Variants in NOD1 observed in about 807,000 individuals in gnomAD.
NOD1 encodes nucleotide binding oligomerization domain containing 1.
NOD1 carries 70 observed loss-of-function variants against 81.2 expected under a neutral mutation model. That is an observed-to-expected ratio of 0.86 (90% CI 0.71 to 1.05). NOD1 has a LOEUF of 1.05. Among genes scored for constraint, NOD1 ranks in the 50% least tolerant of loss-of-function variants. NOD1 has a pLI of 0.00. For missense variants in NOD1, 1,233 were observed against 1,228.0 expected, an observed-to-expected ratio of 1.00 and a Z score of -0.06; for synonymous variants, 508 against 526.9, an observed-to-expected ratio of 0.96 and a Z score of 0.49.
chr7:30,451,520 T>C lies in NOD1; in HGVS notation c.1897A>G (p.Lys633Glu). Residue 633 changes from lysine to glutamate, a missense_variant, in exon 6 of 14, where the codon AAG becomes GAG. Lys to Glu is a moderately conservative substitution (Grantham distance 56). Coordinates refer to ENST00000222823, the MANE Select transcript of NOD1 (RefSeq NM_006092.4). This position sits in a 1 kb window ranked among gnomAD's most constrained non-coding sequence, Gnocchi z 4.2. Reference protein sequence around the residue: ...HLFSSLRGYLKSLPRVQVESF... With the variant: ...HLFSSLRGYLESLPRVQVESF... ...TCGACCTGAACGCGGGGCAGGCTCT[T>C]CAGGTAGCCCCGCAGGCTGGAAAAC... 1 of 1,613,242 alleles carries C rather than the reference T, an allele frequency of 6.2e-7. No homozygotes were observed. The highest frequency in any genetic ancestry group is 1.7e-5 in the Admixed American group (1 of 59,988).
chr7:30,453,813 A>C (rs974952022), intron 5 of NOD1, among the ~76,000 whole-genome samples: 1 of 152,210 alleles, frequency 6.6e-6, no homozygotes, highest in Non-Finnish European at 1.5e-5. Flanking sequence ...TTTGTAGCCA[A>C]TCCCTGGGCC....
At chr7:30,437,928 C>G (rs1784522882) in intron 9 of NOD1, among the ~76,000 whole-genome samples, 1 of 152,226 alleles carries the variant, frequency 6.6e-6, no homozygotes, top group Admixed American at 6.5e-5. Context: ...GAGACCGAGC[C>G]TCACCACGAG....
intron 13 of NOD1, among the ~76,000 whole-genome samples, chr7:30,429,097 A>G (rs1174041419): frequency 6.6e-6 from 1 of 152,206 alleles, no homozygotes. Flanking sequence ...ATCCCACCCA[A>G]TGAAGGTAGA....
At chr7:30,457,172 C>A (rs889634241) in intron 3 of NOD1, 130 bp from the exon 4 acceptor site, 13 of 493,594 alleles carry the variant, frequency 2.6e-5, no homozygotes, top group African/African-American at 1.5e-4. Context: ...TCTGGCCAGG[C>A]AAGTTGGCTC....
chr7:30,458,575 C>T (rs574331521), intron 3 of NOD1, among the ~76,000 whole-genome samples: 1 of 151,998 alleles, frequency 6.6e-6, no homozygotes, highest in African/African-American at 2.4e-5. Flanking sequence ...TGCCAGACCC[C>T]ACACAATAGC....
chr7:30,451,301 G>C lies in NOD1; in HGVS notation c.2116C>G (p.Leu706Val), dbSNP rs965705668. 2 of 1,614,106 alleles carry C rather than the reference G, an allele frequency of 1.2e-6. No homozygotes were observed. The highest frequency in any genetic ancestry group is 2.7e-5 in the African/African-American group (2 of 74,948). Residue 706 changes from leucine (L) to valine (V), a missense_variant, in exon 6 of 14, where the codon CTG (leucine) becomes GTG (valine). Coordinates refer to ENST00000222823, the MANE Select transcript of NOD1 (RefSeq NM_006092.4). This position sits in a 1 kb window ranked among gnomAD's most constrained non-coding sequence, Gnocchi z 4.2. The stretch of plus-strand genomic sequence containing the variant: ...TTGTTGTTGTCTAGGTCTAGGGCCA[G>C]CCGCTTGGGGAAGTGATGCAGGACG... ...SFVLHHFPKR[L>V]ALDLDNNNLN... is the part of the protein sequence containing the mutation.
intron 1 of NOD1, among the ~76,000 whole-genome samples, chr7:30,473,140 T>G (rs139805377): frequency 6.6e-6 from 1 of 152,128 alleles, no homozygotes; most frequent in African/African-American, 2.4e-5. Flanking sequence ...TACCTCATTA[T>G]CAGGAATGCT....
intron 11 of NOD1, among the ~76,000 whole-genome samples, chr7:30,434,396 A>C (rs144829168): frequency 6.6e-6 from 1 of 152,296 alleles, no homozygotes; most frequent in African/African-American, 2.4e-5. Context: ...CACCACTGGG[A>C]GGTACAGGGC....
chr7:30,429,181 C>T (rs748826081), intron 13 of NOD1, among the ~76,000 whole-genome samples, 193 bp downstream of exon 13: 4 of 152,376 alleles, frequency 2.6e-5, no homozygotes, highest in South Asian at 2.1e-4. Flanking sequence ...TAGCTTCTCT[C>T]GTAGTGACCT....
At chr7:30,428,500 A>T (rs1272659706) in intron 13 of NOD1, 1 of 152,246 alleles carries the variant, frequency 6.6e-6, no homozygotes, top group Non-Finnish European at 1.5e-5. Flanking sequence ...TGATACTTTC[A>T]TACCATGCAC....
intron 6 of NOD1, among the ~76,000 whole-genome samples, chr7:30,450,709 G>T (rs945142991): frequency 1.3e-5 from 2 of 152,218 alleles, no homozygotes; most frequent in African/African-American, 4.8e-5. Flanking sequence ...CTATCTCGGA[G>T]CCTTACATTA....
Position 30,456,939 on chromosome 7 carries a change from G to A in NOD1, c.-18C>T. ...TCTTCCATAGTTAAAGTAGCAAGCG[G>A]CTACTTTTCCCAAATTCATCTTCAG... On this transcript the variant is annotated 5_prime_UTR_variant, in exon 4 of 14. Coordinates refer to ENST00000222823, the MANE Select transcript of NOD1 (RefSeq NM_006092.4). 6.2e-7 allele frequency: 1 copy of A among 1,611,544 alleles called. No individual in the cohort carries two copies. The highest frequency in any genetic ancestry group is 8.5e-7 in the Non-Finnish European group (1 of 1,177,670).
In NOD1 at chr7:30,446,155, T is replaced by C. The variant is rs746234501; in HGVS notation, c.2439A>G (p.Ser813=). 7.9e-5 allele frequency: 128 copies of C among 1,613,668 alleles called. No individual in the cohort carries two copies. In the Middle Eastern group the frequency reaches 1.6e-3, roughly 21 times the overall value. ...YLALAVKNSK[S]ISEVGMWGNQ... is the part of the protein sequence containing the mutation. The stretch of plus-strand genomic sequence containing the variant: ...CTTCTACTCACCCAACCTCAGAGAT[T>C]GATTTGCTGTTCTTCACAGCCAGGG... Residue 813 remains serine (S), a synonymous_variant, in exon 9 of 14, where the codon TCA becomes TCG. Transcript: ENST00000222823.
rs117334941 is a variant in NOD1 at position 30,449,702 on chromosome 7, A to T, written c.2202-1321T>A. 6.4e-4 allele frequency among the ~76,000 whole-genome samples: 97 copies of T among 152,326 alleles called. 1 individual carries two copies. The East Asian group carries it at 0.018, about 28-fold the overall frequency. ...AGAGAAATAAGCTTGTAACTCACCA[A>T]CATTTGGGGTTTTCGCTCTCAGCTA... On this transcript the variant is annotated intron_variant, in intron 6 of 13. Coordinates refer to ENST00000222823, the MANE Select transcript of NOD1 (RefSeq NM_006092.4).
chr7:30,457,276 A>T (rs564613005), intron 3 of NOD1, among the ~76,000 whole-genome samples: 2 of 152,110 alleles, frequency 1.3e-5, no homozygotes, highest in African/African-American at 4.8e-5. Flanking sequence ...ACATAGTGAG[A>T]CACCCATCTC....
At chr7:30,462,280 C>T (rs1317841705) in intron 1 of NOD1, among the ~76,000 whole-genome samples, 1 of 152,204 alleles carries the variant, frequency 6.6e-6, no homozygotes, top group Non-Finnish European at 1.5e-5. Flanking sequence ...CAGGACTCTC[C>T]TATACCACTG....
chr7:30,472,333 C>A (rs2037955), intron 1 of NOD1, among the ~76,000 whole-genome samples: 34,807 of 152,092 alleles, frequency 0.23, 4,327 homozygotes, highest in East Asian at 0.36. Flanking sequence ...GTCTTTGAAC[C>A]CACTGTTCTC....
chr7:30,460,725 C>G (rs1212897508), intron 1 of NOD1: 1 of 972,488 alleles, frequency 1.0e-6, no homozygotes, highest in African/African-American at 1.8e-5. Context: ...GAGGGAGCCC[C>G]GAAGGGAGCT....
rs142522603 is a variant in NOD1 at position 30,472,390 on chromosome 7, G to C, written c.-352+6216C>G. 1.1e-3 allele frequency among the ~76,000 whole-genome samples: 173 copies of C among 152,310 alleles called. 1 individual carries two copies. The highest frequency in any genetic ancestry group is 4.0e-3 in the African/African-American group (165 of 41,550). ...CTTTTTTTCATCCCAAGTCCTAGTT[G>C]AAAAGGCTCATTCCTTGAGAGGCGT... On this transcript the variant is annotated intron_variant, in intron 1 of 13. Coordinates refer to ENST00000222823, the MANE Select transcript of NOD1 (RefSeq NM_006092.4).
Sources: gnomAD v4.1 joint callset for allele counts (sites outside exome capture counted in the v4.1 genomes callset) on GRCh38, gnomAD v4.1.1 for gene constraint, Gnocchi (gnomAD v3.1) non-coding constraint, MANE v1.5 for transcripts, NCBI Gene and HGNC (gene_info 2026-07-23, HGNC 2026-07-21) for gene names.